LRP1B: variants seen among roughly 807,000 people sequenced by gnomAD.
LRP1B encodes LDL receptor related protein 1B.
Under a neutral mutation model 556.6 loss-of-function variants are expected in LRP1B, and 217 were observed. The ratio of observed to expected loss-of-function variants is 0.39; its 90% CI spans 0.35 to 0.44. The LOEUF is 0.44. Among genes scored for constraint, LRP1B ranks in the 20% least tolerant of loss-of-function variants. The probability of loss-of-function intolerance (pLI) is 1.00; values close to 1 mark genes in which losing one functional copy is unlikely to be tolerated. For missense variants in LRP1B, 5,053 were observed against 5,620.8 expected, an observed-to-expected ratio of 0.90 and a Z score of 3.23; for synonymous variants, 2,047 against 1,865.8, an observed-to-expected ratio of 1.10 and a Z score of -2.50.
chr2:140,385,026 T>C (rs1035863148), intron 67 of LRP1B, among the ~76,000 whole-genome samples: 3 of 152,114 alleles, frequency 2.0e-5, no homozygotes, highest in Non-Finnish European at 4.4e-5. Context: ...CCAGGGTTTA[T>C]TGCGTGGGCC....
At chr2:140,468,363 T>C (rs1687632528) in intron 60 of LRP1B, among the ~76,000 whole-genome samples, 1 of 152,210 alleles carries the variant, frequency 6.6e-6, no homozygotes, top group South Asian at 2.1e-4. Flanking sequence ...ACAGAAAGCC[T>C]TGGGGTTGGG....
At chr2:141,281,469 T>TCTAAA (rs1269376783) in intron 3 of LRP1B, among the ~76,000 whole-genome samples, 2 of 152,054 alleles carry the variant, frequency 1.3e-5, no homozygotes, top group African/African-American at 4.8e-5. Flanking sequence ...AATCACTAAT[T>TCTAAA]CTAAAACAAG....
chr2:140,363,671 A>C (rs1340421651), intron 72 of LRP1B, among the ~76,000 whole-genome samples: 9 of 151,284 alleles, frequency 5.9e-5, no homozygotes, highest in African/African-American at 2.2e-4. Context: ...ATAGAAAAAA[A>C]CTCTCCAAAA....
intron 1 of LRP1B, among the ~76,000 whole-genome samples, chr2:142,128,705 T>C (rs920917442): frequency 6.6e-6 from 1 of 152,218 alleles, no homozygotes; most frequent in African/African-American, 2.4e-5. Context: ...GATATAGTAC[T>C]TCATGTGGAC....
intron 1 of LRP1B, among the ~76,000 whole-genome samples, chr2:142,083,122 C>T (rs183127023): frequency 2.8e-4 from 42 of 152,238 alleles, no homozygotes; most frequent in African/African-American, 9.9e-4. Context: ...TAGGCCCATG[C>T]GGCATAATGG....
chr2:140,716,568 G>T, intron 36 of LRP1B, 114 bp downstream of exon 36: 2 of 1,058,138 alleles, frequency 1.9e-6, no homozygotes, highest in Non-Finnish European at 1.3e-6. Flanking sequence ...TACCCCTGTG[G>T]CTAGAAGTAC....
intron 2 of LRP1B, among the ~76,000 whole-genome samples, chr2:141,534,899 C>T (rs1200597606): frequency 2.6e-5 from 4 of 151,958 alleles, no homozygotes; most frequent in Non-Finnish European, 5.9e-5. Context: ...TGTCTGTTTC[C>T]CCCCACTACT....
At chr2:141,872,257 G>A (rs10167533) in intron 1 of LRP1B, among the ~76,000 whole-genome samples, 26,004 of 151,830 alleles carry the variant, frequency 0.17, 2,276 homozygotes, top group South Asian at 0.19. Flanking sequence ...GTGAAATTCA[G>A]ACTATCAGAA....
chr2:140,642,793 G>A (rs1684347337), intron 41 of LRP1B, among the ~76,000 whole-genome samples: 1 of 152,130 alleles, frequency 6.6e-6, no homozygotes, highest in Non-Finnish European at 1.5e-5. Context: ...GCATTGAGCC[G>A]AGATCGCGCC....
intron 3 of LRP1B, among the ~76,000 whole-genome samples, chr2:141,469,513 A>G (rs1419051168): frequency 6.6e-6 from 1 of 152,264 alleles, no homozygotes; most frequent in Non-Finnish European, 1.5e-5. Flanking sequence ...ATTATGGCTC[A>G]TGGAATAAGG....
rs540095600 is a variant in LRP1B at position 140,968,124 on chromosome 2, A to C, written c.2887+14036T>G. Among the ~76,000 whole-genome samples, 442 of 150,916 alleles carry C rather than the reference A, an allele frequency of 2.9e-3. 2 individuals carry two copies. Among genetic ancestry groups the C allele is most frequent in the African/African-American group, 0.01 (429 of 41,080 alleles). On this transcript the variant is annotated intron_variant, in intron 18 of 90. Coordinates refer to ENST00000389484, the MANE Select transcript of LRP1B (RefSeq NM_018557.3). ...GGAATGGTACCAGCTCCTCCTTGTA[A>C]CTCTGGTAGAATTCGGCTGTGAATC...
intron 8 of LRP1B, 32 bp downstream of exon 8, chr2:141,062,019 C>G: frequency 1.3e-6 from 2 of 1,564,858 alleles, no homozygotes; most frequent in Non-Finnish European, 1.8e-6. Flanking sequence ...TTTTATTACC[C>G]TAGGAGCGTT....
At chr2:141,422,056 A>T (rs1348214494) in intron 3 of LRP1B, among the ~76,000 whole-genome samples, 1 of 152,218 alleles carries the variant, frequency 6.6e-6, no homozygotes, top group Non-Finnish European at 1.5e-5. Flanking sequence ...GTCAGGAAAC[A>T]GTTTTTTATG....
intron 3 of LRP1B, among the ~76,000 whole-genome samples, chr2:141,470,054 AT>A (rs5834832): frequency 0.081 from 12,335 of 152,210 alleles, 685 homozygotes; most frequent in South Asian, 0.26. Flanking sequence ...TCTGTATAAG[AT>A]TGGGTACCAT....
intron 27 of LRP1B, among the ~76,000 whole-genome samples, chr2:140,866,468 T>G (rs1573819709): frequency 6.8e-6 from 1 of 146,144 alleles, no homozygotes; most frequent in South Asian, 2.1e-4. Flanking sequence ...GTGAAAGAAG[T>G]CAAGAGTAGA....
intron 25 of LRP1B, among the ~76,000 whole-genome samples, chr2:140,877,971 T>A (rs1287807820): frequency 6.6e-6 from 1 of 152,216 alleles, no homozygotes; most frequent in African/African-American, 2.4e-5. Flanking sequence ...TCTATGTATA[T>A]GGCTTTAATT....
At chr2:140,264,917 G>T (rs1682130346) in intron 86 of LRP1B, among the ~76,000 whole-genome samples, 1 of 151,732 alleles carries the variant, frequency 6.6e-6, no homozygotes. Context: ...TGAGCTATTT[G>T]ACCCACAGAC....
At chr2:141,534,843 G>C (rs977567370) in intron 2 of LRP1B, among the ~76,000 whole-genome samples, 2 of 152,114 alleles carry the variant, frequency 1.3e-5, no homozygotes, top group Admixed American at 6.6e-5. Context: ...GCATGGGGCT[G>C]AGAAAGAAAA....
At chr2:141,255,452 C>G (rs1280456175) in intron 3 of LRP1B, among the ~76,000 whole-genome samples, 1 of 151,958 alleles carries the variant, frequency 6.6e-6, no homozygotes, top group Non-Finnish European at 1.5e-5. Flanking sequence ...AAGAGTTTAG[C>G]TGGTGCTACA....
Sources: gnomAD v4.1 joint callset for allele counts (sites outside exome capture counted in the v4.1 genomes callset) on GRCh38, gnomAD v4.1.1 for gene constraint, MANE v1.5 for transcripts, NCBI Gene and HGNC (gene_info 2026-07-23, HGNC 2026-07-21) for gene names.